The following LARGE1 variants were observed in gnomAD, a reference collection of about 807,000 sequenced individuals.
LARGE1 encodes the protein xylosyl- and glucuronyltransferase LARGE1.
Under a neutral mutation model 87.6 loss-of-function variants are expected in LARGE1, and 43 were observed. The ratio of observed to expected loss-of-function variants is 0.49; its 90% confidence interval spans 0.38 to 0.63. The LOEUF is 0.63. Among genes scored for constraint, LARGE1 ranks in the 30% least tolerant of loss-of-function variants. The probability of loss-of-function intolerance (pLI) is 0.00; values close to 1 mark genes in which losing one functional copy is unlikely to be tolerated. For missense variants in LARGE1, 802 were observed against 1,000.2 expected, an observed-to-expected ratio of 0.80 and a Z score of 2.67; for synonymous variants, 434 against 394.6, an observed-to-expected ratio of 1.10 and a Z score of -1.18.
At chr22:33,244,244 T>G (rs1055961740) in intron 11 of LARGE1, among the ~76,000 whole-genome samples, 1 of 152,022 alleles carries the variant, frequency 6.6e-6, no homozygotes. Context: ...ATCCGCCCAC[T>G]TCGGCCTCCC....
chr22:33,408,854 C>T (rs568537917), intron 7 of LARGE1, among the ~76,000 whole-genome samples: 3 of 152,142 alleles, frequency 2.0e-5, no homozygotes, highest in East Asian at 1.9e-4. Flanking sequence ...AAAAAGAAAA[C>T]CAATGTTTCC....
intron 1 of LARGE1, among the ~76,000 whole-genome samples, chr22:33,851,011 G>A (rs2063568358): frequency 6.6e-6 from 1 of 152,202 alleles, no homozygotes; most frequent in African/African-American, 2.4e-5. Context: ...AAGACAGAGA[G>A]GGATCATTTG....
At chr22:33,230,308 C>A (rs557721524) in intron 11 of LARGE1, among the ~76,000 whole-genome samples, 1 of 152,154 alleles carries the variant, frequency 6.6e-6, no homozygotes, top group South Asian at 2.1e-4. Flanking sequence ...GTGTGAGCCA[C>A]CATGCCTGGC....
chr22:33,786,632 C>A (rs1254444672), intron 1 of LARGE1, among the ~76,000 whole-genome samples: 5 of 152,206 alleles, frequency 3.3e-5, no homozygotes, highest in Admixed American at 1.3e-4. Flanking sequence ...GGTCCCCTGG[C>A]ATTTCCCTCA....
intron 11 of LARGE1, among the ~76,000 whole-genome samples, chr22:33,248,526 A>G (rs936478670): frequency 6.6e-6 from 1 of 152,126 alleles, no homozygotes; most frequent in Non-Finnish European, 1.5e-5. Flanking sequence ...ACAGCCCACC[A>G]CAGTGGTCCA....
intron 5 of LARGE1, among the ~76,000 whole-genome samples, chr22:33,597,100 G>C (rs1210821542): frequency 6.6e-6 from 1 of 152,078 alleles, no homozygotes; most frequent in Non-Finnish European, 1.5e-5. Flanking sequence ...AGCCTTATGA[G>C]AGCATTTCGT....
chr22:33,824,426 T>C (rs1324468807), intron 1 of LARGE1, among the ~76,000 whole-genome samples: 1 of 152,190 alleles, frequency 6.6e-6, no homozygotes, highest in Non-Finnish European at 1.5e-5. Flanking sequence ...CAATCAGATC[T>C]TGTGAGAACT....
chr22:33,895,132 G>A (rs1331220717), intron 1 of LARGE1, among the ~76,000 whole-genome samples: 6 of 152,082 alleles, frequency 3.9e-5, no homozygotes, highest in African/African-American at 1.2e-4. Context: ...TGGCACCCTC[G>A]GTCTCTGGAT....
intron 11 of LARGE1, among the ~76,000 whole-genome samples, chr22:33,225,889 T>A (rs1925709078): frequency 6.6e-6 from 1 of 152,210 alleles, no homozygotes; most frequent in Non-Finnish European, 1.5e-5. Flanking sequence ...AAAGACATAA[T>A]CTTATTCTCT....
intron 9 of LARGE1, among the ~76,000 whole-genome samples, chr22:33,342,009 T>C (rs1158357822): frequency 3.9e-5 from 6 of 152,312 alleles, no homozygotes; most frequent in Non-Finnish European, 5.9e-5. Context: ...AACTATTCGA[T>C]GAGGCTTACA....
chr22:33,076,323 G>A, the LARGE1 span, among the ~76,000 whole-genome samples: 3 of 152,110 alleles, frequency 2.0e-5, no homozygotes, highest in Non-Finnish European at 4.4e-5. Flanking sequence ...GCTTGATGGT[G>A]ACAGTATACT....
rs144859757 is a variant in LARGE1 at position 33,511,001 on chromosome 22, AG to A, written c.787+53846del. 4.2e-3 allele frequency among the ~76,000 whole-genome samples: 644 copies of A among 152,306 alleles called. 3 individuals carry two copies. The highest frequency in any genetic ancestry group is 0.015 in the African/African-American group (603 of 41,566). On this transcript the variant is annotated intron_variant, in intron 6 of 14. Transcript: ENST00000397394. ...CATATATACAAATGAACCCAATTCAAGGTGGCGGGTGCCGATACAGTTCTGT... is the reference window on the plus strand; with the variant it reads ...CATATATACAAATGAACCCAATTCAAGTGGCGGGTGCCGATACAGTTCTGT...
chr22:33,631,521 G>A (rs944296731), intron 3 of LARGE1, among the ~76,000 whole-genome samples: 5 of 151,930 alleles, frequency 3.3e-5, no homozygotes, highest in East Asian at 1.9e-4. Context: ...AGGCCTACAC[G>A]GAGTCAGAAT....
At chr22:33,575,714 AG>A (rs2078332539) in intron 5 of LARGE1, among the ~76,000 whole-genome samples, 1 of 152,252 alleles carries the variant, frequency 6.6e-6, no homozygotes, top group Non-Finnish European at 1.5e-5. Context: ...ATTATTCAGA[AG>A]TCTACTAAGC....
intron 6 of LARGE1, among the ~76,000 whole-genome samples, chr22:33,546,048 C>A (rs1474877515): frequency 1.3e-5 from 2 of 152,214 alleles, no homozygotes; most frequent in African/African-American, 4.8e-5. Flanking sequence ...AGCGCACACT[C>A]ACCTTTCTAC....
In LARGE1 at chr22:33,416,906, C is replaced by CTTTTTTTTTTTTTTTTTT. The variant is rs35018256; in HGVS notation, c.892+15237_892+15254dup. Among the ~76,000 whole-genome samples the CTTTTTTTTTTTTTTTTTT allele has an allele frequency of 4.9e-4, 44 of 90,142 alleles. 5 individuals are homozygous for CTTTTTTTTTTTTTTTTTT. The highest frequency in any genetic ancestry group is 1.1e-3 in the African/African-American group (19 of 17,438). 59.1% of individuals were successfully genotyped at this position (90,142 alleles called of 152,430 possible). A position where few individuals can be genotyped will look rare whatever the true frequency, so the allele number is the denominator to read the frequency against. On this transcript the variant is annotated intron_variant, in intron 7 of 14. Coordinates refer to ENST00000397394, the MANE Select transcript of LARGE1 (RefSeq NM_133642.5). Reference sequence around the variant, plus strand: ...ACAGGTGTGAGGCACCACGCCCGGACTTTTTTTTTTTTTTTTTTTGAGACA... The same window carrying CTTTTTTTTTTTTTTTTTT: ...ACAGGTGTGAGGCACCACGCCCGGACTTTTTTTTTTTTTTTTTTTTTTTTTTTTTTTTTTTTTGAGACA...
chr22:33,158,905 A>G (rs1921942757), downstream of LARGE1, among the ~76,000 whole-genome samples: 1 of 152,230 alleles, frequency 6.6e-6, no homozygotes. Flanking sequence ...ATTGCATCAA[A>G]TTAGTCCAGG....
At chr22:33,072,466 G>C in the LARGE1 span, among the ~76,000 whole-genome samples, 1 of 152,128 alleles carries the variant, frequency 6.6e-6, no homozygotes, top group African/African-American at 2.4e-5. Flanking sequence ...CTGATCAGGA[G>C]ACAATAGATA....
intron 7 of LARGE1, among the ~76,000 whole-genome samples, chr22:33,401,826 T>C (rs1232829199): frequency 2.0e-5 from 3 of 152,186 alleles, no homozygotes; most frequent in African/African-American, 7.2e-5. Flanking sequence ...TCTATGTTGT[T>C]TAAGCCACCC....
Sources: gnomAD v4.1 joint callset for allele counts (sites outside exome capture counted in the v4.1 genomes callset) on GRCh38, gnomAD v4.1.1 for gene constraint, MANE v1.5 for transcripts, NCBI Gene and HGNC (gene_info 2026-07-23, HGNC 2026-07-21) for gene names.